The following CTNNBL1 variants were observed in gnomAD, a reference collection of about 807,000 sequenced individuals.
The protein encoded by CTNNBL1 is catenin beta like 1, also known as beta-catenin-like protein 1.
CTNNBL1 carries 31 observed loss-of-function variants against 72.7 expected under a neutral mutation model. The ratio of observed to expected loss-of-function variants is 0.43; its 90% CI spans 0.32 to 0.58. The LOEUF is 0.58. Among genes scored for constraint, CTNNBL1 ranks in the 20% least tolerant of loss-of-function variants. CTNNBL1 has a pLI of 0.08. For missense variants in CTNNBL1, 534 were observed against 725.1 expected (o/e 0.74, Z 3.03); for synonymous variants, 240 against 267.3 (o/e 0.90, Z 1.00).
At chr20:37,849,927 T>C (rs2072381549) in intron 13 of CTNNBL1, among the ~76,000 whole-genome samples, 2 of 152,238 alleles carry the variant, frequency 1.3e-5, no homozygotes, top group African/African-American at 4.8e-5. Flanking sequence ...GTAAATGCAG[T>C]ATATGTAAAT....
At chr20:37,801,511 C>CTT (rs2073823568) in intron 10 of CTNNBL1, among the ~76,000 whole-genome samples, 1 of 152,074 alleles carries the variant, frequency 6.6e-6, no homozygotes, top group African/African-American at 2.4e-5. Context: ...ATTCTATGAC[C>CTT]TTTTGCTTCA....
At chr20:37,818,478 T>C (rs1178281037) in intron 11 of CTNNBL1, among the ~76,000 whole-genome samples, 1 of 152,228 alleles carries the variant, frequency 6.6e-6, no homozygotes, top group African/African-American at 2.4e-5. Context: ...GTGTTGGGAC[T>C]CTGGGAAAGG....
At chr20:37,856,920 A>C (rs1272967506) in intron 13 of CTNNBL1, among the ~76,000 whole-genome samples, 1 of 152,142 alleles carries the variant, frequency 6.6e-6, no homozygotes. Context: ...TGTTCTTGCC[A>C]TTAGGCACTT....
intron 5 of CTNNBL1, among the ~76,000 whole-genome samples, chr20:37,762,605 G>T (rs773796280): frequency 7.2e-5 from 11 of 152,124 alleles, no homozygotes; most frequent in Non-Finnish European, 1.5e-4. Flanking sequence ...CCCTAAGCAG[G>T]ATTTGTTTTT....
intron 1 of CTNNBL1, among the ~76,000 whole-genome samples, chr20:37,698,775 G>T (rs1600427713): frequency 6.6e-6 from 1 of 152,226 alleles, no homozygotes; most frequent in African/African-American, 2.4e-5. Flanking sequence ...GCCAAGCGTG[G>T]TTGTTCACCC....
intron 13 of CTNNBL1, among the ~76,000 whole-genome samples, chr20:37,843,375 T>C (rs1247985272): frequency 6.6e-6 from 1 of 152,190 alleles, no homozygotes; most frequent in African/African-American, 2.4e-5. Context: ...CACCTTCCCG[T>C]GTTGGGATCA....
chr20:37,773,274 G>A (rs763648336), intron 7 of CTNNBL1, among the ~76,000 whole-genome samples: 6 of 152,204 alleles, frequency 3.9e-5, no homozygotes, highest in Non-Finnish European at 5.9e-5. Context: ...GTCTGAACCT[G>A]CCCCATGTGT....
intron 11 of CTNNBL1, among the ~76,000 whole-genome samples, chr20:37,826,067 T>G (rs777457886): frequency 2.6e-5 from 4 of 152,148 alleles, no homozygotes; most frequent in Non-Finnish European, 4.4e-5. Context: ...ATACAAACAC[T>G]TGACCTAGGA....
rs1001956419 is a variant in CTNNBL1 at position 37,802,558 on chromosome 20, A to G, written c.1032-309A>G. 7.2e-5 allele frequency among the ~76,000 whole-genome samples: 11 copies of G among 152,346 alleles called. No individual in the cohort carries two copies. The East Asian group carries it at 1.9e-3, about 27-fold the overall frequency. ...AAGAAAAATGAATAATGAAATGTCT[A>G]TAATCTCAACACCCCGAAATAATCT... On this transcript the variant is annotated intron_variant, in intron 10 of 15. Coordinates refer to ENST00000361383, the MANE Select transcript of CTNNBL1 (RefSeq NM_030877.5).
chr20:37,837,557 T>A (rs2072266083), intron 11 of CTNNBL1, among the ~76,000 whole-genome samples: 1 of 152,226 alleles, frequency 6.6e-6, no homozygotes, highest in Non-Finnish European at 1.5e-5. Context: ...TGCTCCCACG[T>A]ACAAAAACTC....
chr20:37,778,173 G>T (rs191711393), intron 9 of CTNNBL1, among the ~76,000 whole-genome samples: 117 of 152,234 alleles, frequency 7.7e-4, no homozygotes, highest in African/African-American at 2.7e-3. Flanking sequence ...AGGATGTGGT[G>T]CTGAAGGCTG....
intron 1 of CTNNBL1, among the ~76,000 whole-genome samples, chr20:37,725,710 G>A (rs1043269565): frequency 1.3e-5 from 2 of 151,426 alleles, no homozygotes; most frequent in East Asian, 2.0e-4. Flanking sequence ...TAGGCTGGGC[G>A]CAGTGGCTCA....
chr20:37,867,455 T>C (rs1435069553), intron 15 of CTNNBL1, among the ~76,000 whole-genome samples: 3 of 152,134 alleles, frequency 2.0e-5, no homozygotes, highest in Non-Finnish European at 4.4e-5. Flanking sequence ...GTATTCCATG[T>C]CTGAATAGTA....
intron 9 of CTNNBL1, 65 bp downstream of exon 9, chr20:37,777,777 G>A: frequency 6.6e-7 from 1 of 1,515,428 alleles, no homozygotes; most frequent in South Asian, 1.1e-5. Flanking sequence ...GGGAGGTGGA[G>A]CTGGAAACTG....
intron 15 of CTNNBL1, among the ~76,000 whole-genome samples, chr20:37,867,143 A>G (rs118181251): frequency 7.9e-5 from 12 of 152,300 alleles, no homozygotes; most frequent in Non-Finnish European, 1.6e-4. Flanking sequence ...TCAACCTTCC[A>G]AGTTCATTGT....
At chr20:37,846,328 C>A (rs8125986) in intron 13 of CTNNBL1, among the ~76,000 whole-genome samples, 4 of 152,050 alleles carry the variant, frequency 2.6e-5, no homozygotes, top group Non-Finnish European at 5.9e-5. Context: ...AGGGTACCTT[C>A]CACGAGTGGA....
chr20:37,773,547 A>G (rs987648635), intron 7 of CTNNBL1, among the ~76,000 whole-genome samples: 6 of 152,252 alleles, frequency 3.9e-5, no homozygotes, highest in African/African-American at 7.2e-5. Context: ...GCAAAATCCA[A>G]GAGACTATAC....
intron 11 of CTNNBL1, among the ~76,000 whole-genome samples, chr20:37,804,549 CTAGTGAACTAGAAGCTCTG>C (rs2071935873): frequency 6.6e-6 from 1 of 152,160 alleles, no homozygotes; most frequent in South Asian, 2.1e-4. Context: ...GGGAAGTGGA[CTAGTGAACTAGAAGCTCTG>C]ATAGCCACAC....
At chr20:37,862,596 T>G (rs1169001165) in intron 15 of CTNNBL1, among the ~76,000 whole-genome samples, 1 of 152,170 alleles carries the variant, frequency 6.6e-6, no homozygotes, top group Admixed American at 6.5e-5. Context: ...AGTGGATGAT[T>G]GTTGAGTGAG....
Sources: gnomAD v4.1 joint callset for allele counts (sites outside exome capture counted in the v4.1 genomes callset) on GRCh38, gnomAD v4.1.1 for gene constraint, MANE v1.5 for transcripts, NCBI Gene and HGNC (gene_info 2026-07-23, HGNC 2026-07-21) for gene names.